ANK3: variants seen among roughly 807,000 people sequenced by gnomAD.
ANK3 encodes ankyrin-3.
A neutral mutation model predicts 370.9 loss-of-function variants in ANK3; 57 were observed. That is an observed-to-expected ratio of 0.15 (90% CI 0.12 to 0.19). ANK3 has a LOEUF of 0.19. Ranked by LOEUF, ANK3 falls within the 10% of genes least tolerant of loss-of-function variation. The pLI is 1.00. For synonymous variants in ANK3, 1,929 were observed against 1,946.3 expected, an observed-to-expected ratio of 0.99 and a Z score of 0.23; for missense variants, 4,439 against 5,302.1, an observed-to-expected ratio of 0.84 and a Z score of 5.06.
chr10:60,446,458 C>T (rs993957793), intron 2 of ANK3, among the ~76,000 whole-genome samples: 2 of 152,146 alleles, frequency 1.3e-5, no homozygotes, highest in Admixed American at 6.5e-5. Flanking sequence ...TTCCTACAGT[C>T]AGCATGACTT....
chr10:60,181,443 A>G lies in ANK3; in HGVS notation c.2086-16T>C, dbSNP rs2096183889. On this transcript the variant is annotated splice_polypyrimidine_tract_variant and intron_variant, in intron 17 of 43. Transcript: ENST00000280772. The stretch of plus-strand genomic sequence containing the variant: ...TCAGGCCGCTCTGCAAAAGATTCAA[A>G]GGGCACAGTCATCGTACAGGAAGGA... The G allele has an allele frequency of 6.2e-7, 1 of 1,610,024 alleles. No individual in the cohort carries two copies. The highest frequency in any genetic ancestry group is 8.5e-7 in the Non-Finnish European group (1 of 1,176,276).
Position 60,076,438 on chromosome 10 carries a change from A to T in ANK3, c.4443T>A (p.Ser1481Arg). Reference protein sequence around the residue: ...YLTEPGMIERSTGATRSLPTT... With the variant: ...YLTEPGMIERRTGATRSLPTT... ...TGGGGAGGGATCTTGTTGCTCCTGT[A>T]CTCCGTTCAACTGTTTCTTAAATTT... The change falls in exon 37 of 44, where the codon AGT (serine) becomes AGA (arginine). Residue 1481 changes from serine to arginine, a missense_variant. Ser to Arg is a moderately radical substitution (Grantham distance 110). Coordinates refer to ENST00000280772, the MANE Select transcript of ANK3 (RefSeq NM_020987.5). The T allele has an allele frequency of 6.4e-7, 1 of 1,573,408 alleles. No individual in the cohort carries two copies. Among genetic ancestry groups the T allele is most frequent in the Non-Finnish European group, 8.6e-7 (1 of 1,160,600 alleles).
Position 60,055,775 on chromosome 10 carries a change from T to G in ANK3, c.12948A>C (p.Glu4316Asp). Residue 4316 changes from glutamate (E) to aspartate (D), a missense_variant, in exon 42 of 44, where the codon GAA becomes GAC. Physicochemically the swap from Glu to Asp is conservative, Grantham distance 45. Around this residue, in one of 13 missense-constraint regions of ANK3, gnomAD observed 242 missense variants for 228.0 expected, o/e 1.06. Transcript: ENST00000280772. ...TGACAGGCACACAGGGTTTAGTCTC[T>G]TCTATTATAAGCTTGCTGGTTTCTT... ...SLEETSKLII[E>D]ETKPCVPVSM... The G allele has an allele frequency of 1.5e-5, 24 of 1,614,210 alleles. No individual in the cohort carries two copies. The highest frequency in any genetic ancestry group is 2.2e-5 in the East Asian group (1 of 44,878).
chr10:60,565,194 A>G (rs2077428882), intron 2 of ANK3, among the ~76,000 whole-genome samples: 1 of 152,142 alleles, frequency 6.6e-6, no homozygotes, highest in African/African-American at 2.4e-5. Flanking sequence ...AGTTTCATAG[A>G]ACACAATTTT....
At chr10:60,173,861 CTGTGTGTGTATA>C (rs2095855994) in intron 18 of ANK3, among the ~76,000 whole-genome samples, 1 of 152,236 alleles carries the variant, frequency 6.6e-6, no homozygotes, top group Middle Eastern at 3.4e-3. Flanking sequence ...TATAAGTTCT[CTGTGTGTGTATA>C]TGTGTGTGTA....
intron 1 of ANK3, among the ~76,000 whole-genome samples, chr10:60,307,342 T>G (rs765837363): frequency 3.7e-4 from 57 of 152,152 alleles, no homozygotes; most frequent in Middle Eastern, 3.4e-3. Context: ...TTTTTGTTAT[T>G]TTTTTATAGA....
chr10:60,274,351 G>A (rs1455167647), intron 4 of ANK3, among the ~76,000 whole-genome samples: 3 of 152,058 alleles, frequency 2.0e-5, no homozygotes, highest in African/African-American at 7.2e-5. Context: ...ATTTTACAGT[G>A]GTCATTTGTA....
intron 28 of ANK3, among the ~76,000 whole-genome samples, chr10:60,091,366 AT>A (rs1263433526): frequency 2.0e-5 from 3 of 152,242 alleles, no homozygotes; most frequent in Non-Finnish European, 2.9e-5. Flanking sequence ...AGGGACCACC[AT>A]GTAGAGCACT....
intron 1 of ANK3, among the ~76,000 whole-genome samples, chr10:60,682,105 C>A (rs2079203640): frequency 6.6e-6 from 1 of 152,132 alleles, no homozygotes; most frequent in East Asian, 1.9e-4. Flanking sequence ...TATGATCATG[C>A]CTCTGCAATC....
At chr10:60,348,438 A>G (rs1198374260) in intron 1 of ANK3, among the ~76,000 whole-genome samples, 1 of 151,698 alleles carries the variant, frequency 6.6e-6, no homozygotes, top group Non-Finnish European at 1.5e-5. Flanking sequence ...AACCTCCCGG[A>G]GACAGCAGTA....
At chr10:60,684,046 G>A (rs946726604) in intron 1 of ANK3, among the ~76,000 whole-genome samples, 1 of 152,220 alleles carries the variant, frequency 6.6e-6, no homozygotes, top group Non-Finnish European at 1.5e-5. Context: ...TTTAGTCAAT[G>A]TGAACCAAAA....
chr10:60,533,499 A>C (rs1356311570), intron 2 of ANK3, among the ~76,000 whole-genome samples: 1 of 152,154 alleles, frequency 6.6e-6, no homozygotes, highest in Non-Finnish European at 1.5e-5. Context: ...TCAGAGACAA[A>C]AGATGAAGCT....
intron 8 of ANK3, among the ~76,000 whole-genome samples, chr10:60,221,978 C>G (rs2097067123): frequency 6.6e-6 from 1 of 152,186 alleles, no homozygotes; most frequent in Admixed American, 6.5e-5. Flanking sequence ...GCTTCCATGA[C>G]AAAGTCAGCT....
In ANK3 at chr10:60,105,977, C is replaced by T. The variant is rs778153397; in HGVS notation, c.3256G>A (p.Glu1086Lys). 1.2e-6 allele frequency: 2 copies of T among 1,612,938 alleles called. No homozygotes were observed. The highest frequency in any genetic ancestry group is 1.7e-5 in the Admixed American group (1 of 59,910). Residue 1086 changes from glutamate to lysine, a missense_variant, in exon 28 of 44, where the codon GAA (glutamate) becomes AAA (lysine). Physicochemically the swap from Glu to Lys is moderately conservative, Grantham distance 56. Coordinates refer to ENST00000280772, the MANE Select transcript of ANK3 (RefSeq NM_020987.5). ...ELIVLRSENGETWKEHQFDSK... is the reference protein window; with the variant it reads ...ELIVLRSENGKTWKEHQFDSK... ...TCAAACTGATGCTCCTTCCAAGTTTCACCATTTTCACTTCGAAGAACAATG... is the reference window on the plus strand; with the variant it reads ...TCAAACTGATGCTCCTTCCAAGTTTTACCATTTTCACTTCGAAGAACAATG...
At chr10:60,300,061 G>A (rs1337631023) in intron 1 of ANK3, among the ~76,000 whole-genome samples, 2 of 152,010 alleles carry the variant, frequency 1.3e-5, no homozygotes, top group Non-Finnish European at 2.9e-5. Flanking sequence ...ATTTTGTTAT[G>A]CATCCTCTTA....
chr10:60,376,545 G>A (rs1333377443), intron 1 of ANK3, among the ~76,000 whole-genome samples: 1 of 152,186 alleles, frequency 6.6e-6, no homozygotes, highest in East Asian at 1.9e-4. Context: ...CTCTTCCATG[G>A]AGAGCTCAGG....
At chr10:60,249,896 G>A (rs1418938367) in intron 7 of ANK3, among the ~76,000 whole-genome samples, 2 of 152,234 alleles carry the variant, frequency 1.3e-5, no homozygotes, top group Non-Finnish European at 2.9e-5. Flanking sequence ...AAATGTGTTA[G>A]AAGGTCTGGA....
chr10:60,147,108 G>T (rs1565307416), intron 23 of ANK3, among the ~76,000 whole-genome samples: 1 of 152,166 alleles, frequency 6.6e-6, no homozygotes, highest in Non-Finnish European at 1.5e-5. Flanking sequence ...ATTCTGAGAG[G>T]TGATAAAAAG....
At chr10:60,053,226 G>A (rs559839345) in intron 42 of ANK3, among the ~76,000 whole-genome samples, 2 of 152,308 alleles carry the variant, frequency 1.3e-5, no homozygotes, top group African/African-American at 4.8e-5. Context: ...CTGTGTTGAC[G>A]AAAGAAAAGA....
Sources: allele counts gnomAD v4.1 joint callset (sites outside exome capture counted in the v4.1 genomes callset), GRCh38; gene constraint gnomAD v4.1.1; regional missense constraint gnomAD v4.1.1; transcripts MANE v1.5; gene names NCBI Gene and HGNC (gene_info 2026-07-23, HGNC 2026-07-21).